The following PDZRN3 variants were observed in gnomAD, a reference collection of about 807,000 sequenced individuals.
PDZRN3 encodes the protein E3 ubiquitin-protein ligase PDZRN3.
A neutral mutation model predicts 85.7 loss-of-function variants in PDZRN3; 38 were observed. The observed-to-expected ratio is 0.44, with a 90% confidence interval of 0.34 to 0.58. The LOEUF is 0.58. Ranked by LOEUF, PDZRN3 falls within the 20% of genes least tolerant of loss-of-function variation. The probability of loss-of-function intolerance (pLI) is 0.01; values close to 1 mark genes in which losing one functional copy is unlikely to be tolerated. For synonymous variants in PDZRN3, 759 were observed against 638.0 expected (o/e 1.19, Z -2.86); for missense variants, 1,629 against 1,506.4 (o/e 1.08, Z -1.35).
intron 3 of PDZRN3, among the ~76,000 whole-genome samples, chr3:73,413,099 A>T (rs565233732): frequency 6.6e-6 from 1 of 152,222 alleles, no homozygotes; most frequent in African/African-American, 2.4e-5. Flanking sequence ...ACAGTGCCCA[A>T]TGTCAGCTGT....
intron 3 of PDZRN3, among the ~76,000 whole-genome samples, chr3:73,456,615 T>C (rs1436670636): frequency 2.0e-5 from 3 of 152,190 alleles, no homozygotes; most frequent in Non-Finnish European, 4.4e-5. Context: ...AAATGACTGA[T>C]AGGACAGTAC....
intron 3 of PDZRN3, among the ~76,000 whole-genome samples, chr3:73,573,285 G>A (rs1575745382): frequency 2.0e-5 from 3 of 152,322 alleles, no homozygotes; most frequent in South Asian, 2.1e-4. Context: ...ATATGTTCTT[G>A]TTACAGACTG....
chr3:73,624,795 C>T lies in PDZRN3; in HGVS notation c.31G>A (p.Asp11Asn), dbSNP rs757376754. 7.2e-7 allele frequency: 1 copy of T among 1,397,462 alleles called. No individual in the cohort carries two copies. Among genetic ancestry groups the T allele is most frequent in the South Asian group, 1.7e-5 (1 of 59,614 alleles). The allele number at this position is 1,397,462 out of a possible 1,614,324, so 86.6% of individuals were successfully genotyped here. MGFELDRFDG[D>N]VDPDLKCALC... ...GCGCACTTCAGGTCCGGGTCCACGT[C>T]GCCGTCGAAGCGGTCCAGCTCGAAG... The change falls in exon 1 of 10, where the codon GAC becomes AAC. Residue 11 changes from aspartate (D) to asparagine (N), a missense_variant. Transcript: ENST00000263666.
At chr3:73,552,316 A>G (rs1701582890) in intron 3 of PDZRN3, among the ~76,000 whole-genome samples, 1 of 151,788 alleles carries the variant, frequency 6.6e-6, no homozygotes, top group Non-Finnish European at 1.5e-5. Flanking sequence ...AATCACTATT[A>G]TACTTCTACC....
rs372038545 is a variant in PDZRN3, at chr3:73,383,893, C to T, written c.2673G>A (p.Ser891=). ...QSYMQLIQQK[S]AVEYAQSQMS... is the part of the protein sequence containing the mutation. The stretch of plus-strand genomic sequence containing the variant: ...TCTGGCTTTGCGCGTACTCCACGGC[C>T]GACTTCTGCTGGATCAGCTGCATGT... Residue 891 remains serine (S), a synonymous_variant, in exon 10 of 10, where the codon TCG becomes TCA. Transcript: ENST00000263666. 1.2e-5 allele frequency: 19 copies of T among 1,613,022 alleles called. No individual in the cohort carries two copies. The African/African-American group carries it at 2.0e-4, about 17-fold the overall frequency.
chr3:73,404,032 G>T, intron 4 of PDZRN3, 116 bp downstream of exon 4: 1 of 975,138 alleles, frequency 1.0e-6, no homozygotes. Flanking sequence ...AGTTAAACAT[G>T]GGCAACTTGG....
chr3:73,522,329 T>C (rs1381359471), intron 3 of PDZRN3, among the ~76,000 whole-genome samples: 1 of 152,236 alleles, frequency 6.6e-6, no homozygotes, highest in Non-Finnish European at 1.5e-5. Flanking sequence ...ATTTAACTTT[T>C]AGACTTTCCA....
At chr3:73,537,730 C>T (rs927713919) in intron 3 of PDZRN3, among the ~76,000 whole-genome samples, 8 of 152,016 alleles carry the variant, frequency 5.3e-5, no homozygotes, top group African/African-American at 1.7e-4. Context: ...AGCGATTCTT[C>T]TACCTCAGCC....
At chr3:73,474,355 T>C in intron 3 of PDZRN3, 1 of 613,210 alleles carries the variant, frequency 1.6e-6, no homozygotes, top group Non-Finnish European at 2.4e-6. Flanking sequence ...CTATGCAGTA[T>C]TTCTAAAGCA....
In PDZRN3 at chr3:73,404,389, C is replaced by T. The variant is rs1385280523; in HGVS notation, c.925G>A (p.Gly309Ser). ...QIHDRIIEVN[G>S]RDLSRATHDQ... ...TGAGTTGCTCTGGATAAGTCTCTGC[C>T]GTTGACCTGTGGAAAAATATTTAGG... is the stretch of plus-strand genomic sequence containing the variant. Residue 309 changes from glycine (G) to serine (S), a missense_variant, in exon 4 of 10, where the codon GGC (glycine) becomes AGC (serine). Gly to Ser is a moderately conservative substitution (Grantham distance 56, BLOSUM62 0). Coordinates refer to ENST00000263666, the MANE Select transcript of PDZRN3 (RefSeq NM_015009.3). 1.1e-5 allele frequency: 18 copies of T among 1,611,014 alleles called. No individual in the cohort carries two copies. The highest frequency in any genetic ancestry group is 4.0e-5 in the African/African-American group (3 of 74,690).
At chr3:73,433,951 G>C in intron 3 of PDZRN3, 2 of 1,355,846 alleles carry the variant, frequency 1.5e-6, no homozygotes, top group Non-Finnish European at 1.9e-6. Flanking sequence ...CATACACACA[G>C]ACATACACGC....
chr3:73,459,547 CTTT>C (rs956026090), intron 3 of PDZRN3, among the ~76,000 whole-genome samples: 1 of 152,130 alleles, frequency 6.6e-6, no homozygotes, highest in Non-Finnish European at 1.5e-5. Flanking sequence ...TTGTTCCCTT[CTTT>C]GTGTCCATGA....
At chr3:73,488,747 T>C (rs903373417) in intron 3 of PDZRN3, among the ~76,000 whole-genome samples, 1 of 152,256 alleles carries the variant, frequency 6.6e-6, no homozygotes, top group East Asian at 1.9e-4. Flanking sequence ...GGCTTAATGC[T>C]CTAGTGGTTG....
chr3:73,456,402 A>T (rs1178562596), intron 3 of PDZRN3, among the ~76,000 whole-genome samples: 2 of 152,264 alleles, frequency 1.3e-5, no homozygotes, highest in Non-Finnish European at 2.9e-5. Context: ...TTATTCTTCT[A>T]AAGGCAATCA....
Position 73,390,011 on chromosome 3 carries a change from C to T in PDZRN3, c.1354-133G>A, listed in dbSNP as rs17011047. The T allele has an allele frequency of 3.6e-3, 2,606 of 717,710 alleles. 40 individuals are homozygous for T. The African/African-American group carries it at 0.039, about 11-fold the overall frequency. 44.5% of individuals were successfully genotyped at this position (717,710 alleles called of 1,614,324 possible). ...CTGTTTTGCACAGAAATAAACAAGA[C>T]TTAGTGTCGTGCAAGGAGAGGCAAA... is the stretch of plus-strand genomic sequence containing the variant. On this transcript the variant is annotated intron_variant, in intron 6 of 9. Transcript: ENST00000263666.
intron 3 of PDZRN3, among the ~76,000 whole-genome samples, chr3:73,498,588 C>CTT (rs1186666541): frequency 2.1e-5 from 3 of 144,052 alleles, no homozygotes; most frequent in Non-Finnish European, 3.0e-5. Flanking sequence ...TGATTCATAA[C>CTT]TTTTTTTTTT....
At chr3:73,450,735 C>T (rs993796287) in intron 3 of PDZRN3, among the ~76,000 whole-genome samples, 1 of 152,170 alleles carries the variant, frequency 6.6e-6, no homozygotes, top group African/African-American at 2.4e-5. Flanking sequence ...GGAAAACCAT[C>T]CAACAGCACC....
chr3:73,409,125 C>T (rs1701914189), intron 3 of PDZRN3, among the ~76,000 whole-genome samples: 1 of 152,074 alleles, frequency 6.6e-6, no homozygotes, highest in South Asian at 2.1e-4. Context: ...CTGGCTGGTC[C>T]CCTGGGACTT....
chr3:73,419,308 A>C (rs901323570), intron 3 of PDZRN3, among the ~76,000 whole-genome samples: 8 of 152,152 alleles, frequency 5.3e-5, no homozygotes, highest in Admixed American at 1.3e-4. Flanking sequence ...TTTAAAGAGT[A>C]AAGTTATCAG....
Sources: allele counts gnomAD v4.1 joint callset (sites outside exome capture counted in the v4.1 genomes callset), GRCh38; gene constraint gnomAD v4.1.1; transcripts MANE v1.5; gene names NCBI Gene and HGNC (gene_info 2026-07-23, HGNC 2026-07-21).